Variants in NTSR1 observed in about 807,000 individuals in gnomAD.
NTSR1 encodes neurotensin receptor type 1.
In NTSR1, 29 loss-of-function variants were observed where a neutral mutation model predicts 31.2. The observed-to-expected ratio is 0.93, with a 90% CI of 0.69 to 1.27. The LOEUF is 1.27. Among genes scored for constraint, NTSR1 ranks in the 50% most tolerant of loss-of-function variants. The pLI, the probability that NTSR1 is intolerant of heterozygous loss-of-function variation, is 0.00. For synonymous variants in NTSR1, 282 were observed against 269.9 expected, an observed-to-expected ratio of 1.04 and a Z score of -0.44; for missense variants, 697 against 595.4, an observed-to-expected ratio of 1.17 and a Z score of -1.78.
rs550491268 is a variant in NTSR1, at chr20:62,709,667, G to A, written c.460G>A (p.Ala154Thr). 2.5e-6 allele frequency: 4 copies of A among 1,612,658 alleles called. No homozygotes were observed. The highest frequency in any genetic ancestry group is 4.5e-5 in the East Asian group (2 of 44,864). The change falls in exon 1 of 4, where the codon GCC (alanine) becomes ACC (threonine). Residue 154 changes from alanine (A) to threonine (T), a missense_variant. By Grantham distance (58) the Ala-to-Thr change is moderately conservative. Coordinates refer to ENST00000370501, the MANE Select transcript of NTSR1 (RefSeq NM_002531.3). ...YYFLRDACTY[A>T]TALNVASLSV... is the part of the protein sequence containing the mutation. ...CTTCCTGCGCGACGCCTGCACCTAC[G>A]CCACGGCCCTCAACGTGGCCAGCCT...
In NTSR1 at chr20:62,743,696, G is replaced by GCGGAGC. The variant is rs1244711164; in HGVS notation, c.715-10985_715-10980dup. 1.3e-5 allele frequency among the ~76,000 whole-genome samples: 2 copies of GCGGAGC among 152,216 alleles called. No homozygotes were observed. Among genetic ancestry groups the GCGGAGC allele is most frequent in the African/African-American group, 4.8e-5 (2 of 41,462 alleles). On this transcript the variant is annotated intron_variant, in intron 1 of 3. Transcript: ENST00000370501. The surrounding 1 kb of genome is among the most constrained non-coding windows in gnomAD (Gnocchi z 7.5). ...CCTTCCCACTCAGCACAGGCTGGCTGCGGAGCCGGGAAGCAGTGTGCCAGT... is the reference window on the plus strand; with the variant it reads ...CCTTCCCACTCAGCACAGGCTGGCTGCGGAGCCGGAGCCGGGAAGCAGTGTGCCAGT...
chr20:62,731,560 G>A (rs1312684907), intron 1 of NTSR1, among the ~76,000 whole-genome samples: 2 of 152,104 alleles, frequency 1.3e-5, no homozygotes, highest in Non-Finnish European at 2.9e-5. Context: ...TAAATAAAAT[G>A]TGTTATTATC....
rs1015527433 is a variant in NTSR1 at position 62,732,804 on chromosome 20, G to C, written c.715-21881G>C. 6.6e-6 allele frequency: 1 copy of C among 152,194 alleles called. No individual in the cohort carries two copies. Among genetic ancestry groups the C allele is most frequent in the African/African-American group, 2.4e-5 (1 of 41,420 alleles). The allele number at this position is 152,194 out of a possible 1,614,324, so 9.4% of individuals were successfully genotyped here. ...TCTATCATCTGTTCCTTAAATGCAA[G>C]GTAGAATTCTAAGTCCGTGTCCCTG... On this transcript the variant is annotated intron_variant, in intron 1 of 3. Coordinates refer to ENST00000370501, the MANE Select transcript of NTSR1 (RefSeq NM_002531.3). The surrounding 1 kb of genome is among the most constrained non-coding windows in gnomAD (Gnocchi z 4.0).
Position 62,741,274 on chromosome 20 carries a change from T to TGGGTCTAGTGGGGGCC in NTSR1, c.715-13411_715-13410insGGGTCTAGTGGGGGCC, listed in dbSNP as rs1568706176. On this transcript the variant is annotated intron_variant, in intron 1 of 3. Transcript: ENST00000370501. This position sits in a 1 kb window ranked among gnomAD's most constrained non-coding sequence, Gnocchi z 4.3. ...CAGACAGGATGTGGCTTCCAGGGGC[T>TGGGTCTAGTGGGGGCC]TCTGTTCTGCCAAGTCCCCACTCAG... Among the ~76,000 whole-genome samples, 3 of 150,514 alleles carry TGGGTCTAGTGGGGGCC rather than the reference T, an allele frequency of 2.0e-5. No individual in the cohort carries two copies. The highest frequency in any genetic ancestry group is 7.4e-5 in the African/African-American group (3 of 40,668).
intron 1 of NTSR1, among the ~76,000 whole-genome samples, chr20:62,752,780 G>C (rs1032118959): frequency 6.6e-6 from 1 of 152,172 alleles, no homozygotes; most frequent in East Asian, 1.9e-4. Context: ...GGCCTCCCCT[G>C]TCCCCGCTCC....
rs538997766 is a variant in NTSR1, at chr20:62,722,222, C to T, written c.714+12301C>T. ...TCATGCTTAGTTGAGTAAACAACTA[C>T]GGAAAGCCCAAGGCATTTTCCAATA... On this transcript the variant is annotated intron_variant, in intron 1 of 3. Transcript: ENST00000370501. 2.7e-4 allele frequency among the ~76,000 whole-genome samples: 41 copies of T among 152,248 alleles called. No individual in the cohort carries two copies. The South Asian group carries it at 6.2e-3, about 23-fold the overall frequency.
intron 1 of NTSR1, among the ~76,000 whole-genome samples, chr20:62,721,865 C>G (rs1479446257): frequency 1.3e-5 from 2 of 152,172 alleles, no homozygotes; most frequent in Non-Finnish European, 2.9e-5. Context: ...TGTATTTGCT[C>G]TTGGAATGGT....
intron 1 of NTSR1, among the ~76,000 whole-genome samples, chr20:62,723,654 T>C (rs1988859836): frequency 6.6e-6 from 1 of 152,192 alleles, no homozygotes; most frequent in African/African-American, 2.4e-5. Flanking sequence ...ACCACTGCCC[T>C]GCCCTGCACC....
intron 1 of NTSR1, among the ~76,000 whole-genome samples, chr20:62,748,175 CAA>C (rs34449464): frequency 0.014 from 1,134 of 78,838 alleles, 5 homozygotes; most frequent in Non-Finnish European, 0.019. Flanking sequence ...GAATCTGTCT[CAA>C]AAAAAAAAAA....
At chr20:62,718,546 C>T (rs1452406329) in intron 1 of NTSR1, among the ~76,000 whole-genome samples, 1 of 148,436 alleles carries the variant, frequency 6.7e-6, no homozygotes, top group East Asian at 2.0e-4. Flanking sequence ...CCACCCGCCC[C>T]GATGCCCGCC....
intron 1 of NTSR1, among the ~76,000 whole-genome samples, chr20:62,740,106 G>A (rs928767352): frequency 2.6e-5 from 4 of 152,268 alleles, no homozygotes; most frequent in African/African-American, 9.6e-5. Context: ...CCTGCATGGA[G>A]CAGAGAACTT....
rs969992768 is a variant in NTSR1, at chr20:62,760,529, A to G, written c.*262A>G. On this transcript the variant is annotated 3_prime_UTR_variant, in exon 4 of 4. Transcript: ENST00000370501. ...ACAAGAGAGCGCTCCTCTCCCAGAT[A>G]GGAAAAGGGCCTCTAACAAGGAGAA... The G allele has an allele frequency of 1.4e-5, 6 of 427,318 alleles. No homozygotes were observed. Among genetic ancestry groups the G allele is most frequent in the Non-Finnish European group, 2.5e-5 (6 of 238,964 alleles). The allele number at this position is 427,318 out of a possible 1,614,324, so 26.5% of individuals were successfully genotyped here. A position where few individuals can be genotyped will look rare whatever the true frequency, so the allele number is the denominator to read the frequency against.
At chr20:62,752,790 C>T (rs1449920197) in intron 1 of NTSR1, among the ~76,000 whole-genome samples, 1 of 152,194 alleles carries the variant, frequency 6.6e-6, no homozygotes, top group Non-Finnish European at 1.5e-5. Context: ...GTCCCCGCTC[C>T]CAGCAGCCGG....
rs558135839 is a variant in NTSR1, at chr20:62,711,941, C to T, written c.714+2020C>T. Among the ~76,000 whole-genome samples, 1 of 152,330 alleles carries T rather than the reference C, an allele frequency of 6.6e-6. No individual in the cohort carries two copies. The highest frequency in any genetic ancestry group is 2.1e-4 in the South Asian group (1 of 4,832). On this transcript the variant is annotated intron_variant, in intron 1 of 3. Coordinates refer to ENST00000370501, the MANE Select transcript of NTSR1 (RefSeq NM_002531.3). This position sits in a 1 kb window ranked among gnomAD's most constrained non-coding sequence, Gnocchi z 6.4. ...CGTAGGACAGCGGCCCCACGCCCTG[C>T]AGACGCCATGCTGGCCGAGCGTTGC...
At chr20:62,727,780 G>C (rs914647082) in intron 1 of NTSR1, among the ~76,000 whole-genome samples, 1 of 152,278 alleles carries the variant, frequency 6.6e-6, no homozygotes, top group Non-Finnish European at 1.5e-5. Context: ...GAACTGCACA[G>C]CAGCGGCCAC....
chr20:62,752,133 G>A (rs561659240), intron 1 of NTSR1, among the ~76,000 whole-genome samples: 29 of 152,298 alleles, frequency 1.9e-4, no homozygotes, highest in African/African-American at 5.5e-4. Flanking sequence ...ATGCACAGAC[G>A]TGATCTCAAC....
In NTSR1 at chr20:62,709,473, C is replaced by A; in HGVS notation, c.266C>A (p.Ala89Glu). 6.2e-7 allele frequency: 1 copy of A among 1,612,562 alleles called. No individual in the cohort carries two copies. The highest frequency in any genetic ancestry group is 1.1e-5 in the South Asian group (1 of 91,070). ...VGNTVTAFTLARKKSLQSLQS... is the reference protein window; with the variant it reads ...VGNTVTAFTLERKKSLQSLQS... ...AACACGGTGACGGCGTTCACGCTGGCGCGGAAGAAGTCGCTGCAGAGCCTG... is the reference window on the plus strand; with the variant it reads ...AACACGGTGACGGCGTTCACGCTGGAGCGGAAGAAGTCGCTGCAGAGCCTG... The change falls in exon 1 of 4, where the codon GCG becomes GAG. Residue 89 changes from alanine (A) to glutamate (E), a missense_variant. By Grantham distance (107) the Ala-to-Glu change is moderately radical (BLOSUM62 -1). Coordinates refer to ENST00000370501, the MANE Select transcript of NTSR1 (RefSeq NM_002531.3).
rs77981595 is a variant in NTSR1, at chr20:62,720,932, G to A, written c.714+11011G>A. On this transcript the variant is annotated intron_variant, in intron 1 of 3. Coordinates refer to ENST00000370501, the MANE Select transcript of NTSR1 (RefSeq NM_002531.3). The stretch of plus-strand genomic sequence containing the variant: ...TGTTGTTTAGTTTCCAAATGTTTGG[G>A]ATTTTCCAGATATTACTTTTTTATC... Among the ~76,000 whole-genome samples the A allele has an allele frequency of 8.7e-3, 1,317 of 152,196 alleles. 49 individuals carry two copies. In the East Asian group the frequency reaches 0.12, roughly 13 times the overall value.
At chr20:62,727,476 G>A (rs1023654356) in intron 1 of NTSR1, among the ~76,000 whole-genome samples, 2 of 152,218 alleles carry the variant, frequency 1.3e-5, no homozygotes, top group East Asian at 1.9e-4. Context: ...CTGGACTGCC[G>A]GCGGGTCTGG....
Sources: gnomAD v4.1 joint callset for allele counts (sites outside exome capture counted in the v4.1 genomes callset) on GRCh38, gnomAD v4.1.1 for gene constraint, Gnocchi (gnomAD v3.1) non-coding constraint, MANE v1.5 for transcripts, NCBI Gene and HGNC (gene_info 2026-07-23, HGNC 2026-07-21) for gene names.